Variants in WDPCP observed in about 807,000 individuals in gnomAD.
WDPCP encodes WD repeat containing planar cell polarity effector.
WDPCP carries 71 observed loss-of-function variants against 93.1 expected under a neutral mutation model. The ratio of observed to expected loss-of-function variants is 0.76; its 90% confidence interval spans 0.63 to 0.93. WDPCP has a LOEUF of 0.93. Ranked by LOEUF, WDPCP falls within the 40% of genes least tolerant of loss-of-function variation. WDPCP has a pLI of 0.00. For missense variants in WDPCP, 844 were observed against 887.4 expected (o/e 0.95, Z 0.62); for synonymous variants, 315 against 315.0 (o/e 1.00, Z 0.00).
intron 2 of WDPCP, among the ~76,000 whole-genome samples, chr2:63,747,983 A>G (rs1669823314): frequency 6.6e-6 from 1 of 152,000 alleles, no homozygotes; most frequent in Non-Finnish European, 1.5e-5. Context: ...GGATGGAATG[A>G]ATATATATAC....
chr2:63,484,683 G>A lies in WDPCP; in HGVS notation c.325-20C>T. 1.9e-6 allele frequency: 3 copies of A among 1,612,718 alleles called. No homozygotes were observed. Among genetic ancestry groups the A allele is most frequent in the African/African-American group, 1.3e-5 (1 of 74,970 alleles). On this transcript the variant is annotated intron_variant, in intron 5 of 17. Coordinates refer to ENST00000272321, the MANE Select transcript of WDPCP (RefSeq NM_015910.7). ...CAGCTCCTGAAGCACAACAGAAAAAGAGAGAGCGTAGTTGGCTGTACACAT... is the reference window on the plus strand; with the variant it reads ...CAGCTCCTGAAGCACAACAGAAAAAAAGAGAGCGTAGTTGGCTGTACACAT...
At chr2:63,716,080 A>G (rs1442264041) in intron 2 of WDPCP, among the ~76,000 whole-genome samples, 2 of 152,174 alleles carry the variant, frequency 1.3e-5, no homozygotes, top group African/African-American at 4.8e-5. Context: ...AGGAGAGTAT[A>G]ATGTTTCTTC....
At chr2:63,743,101 G>T (rs1013021807) in intron 2 of WDPCP, among the ~76,000 whole-genome samples, 1 of 152,190 alleles carries the variant, frequency 6.6e-6, no homozygotes, top group South Asian at 2.1e-4. Flanking sequence ...GATTGATGTT[G>T]TAAGTGGTGA....
intron 17 of WDPCP, among the ~76,000 whole-genome samples, chr2:63,129,990 G>A (rs1255546881): frequency 2.0e-5 from 3 of 152,096 alleles, no homozygotes; most frequent in African/African-American, 7.2e-5. Flanking sequence ...TCAATCTCTT[G>A]TTGGTGGAAT....
chr2:63,475,679 TAA>T (rs1699933996), intron 6 of WDPCP, among the ~76,000 whole-genome samples: 2 of 152,144 alleles, frequency 1.3e-5, no homozygotes, highest in Admixed American at 1.3e-4. Context: ...AATCAAAATA[TAA>T]GTTAAGGCTT....
intron 17 of WDPCP, among the ~76,000 whole-genome samples, chr2:63,144,311 C>G (rs915938672): frequency 6.6e-6 from 1 of 150,650 alleles, no homozygotes; most frequent in South Asian, 2.1e-4. Context: ...GACGGAGTCT[C>G]GCCCTGTCAC....
At chr2:63,329,532 C>A (rs1265447989) in intron 12 of WDPCP, among the ~76,000 whole-genome samples, 2 of 152,148 alleles carry the variant, frequency 1.3e-5, no homozygotes, top group African/African-American at 4.8e-5. Flanking sequence ...ATTGACTAAT[C>A]CTCACAGAAC....
chr2:63,267,985 G>C (rs1682288683), intron 13 of WDPCP, among the ~76,000 whole-genome samples: 1 of 152,032 alleles, frequency 6.6e-6, no homozygotes, highest in Admixed American at 6.6e-5. Flanking sequence ...TATCCAAAGG[G>C]ATTGAAATTG....
intron 9 of WDPCP, among the ~76,000 whole-genome samples, chr2:63,409,365 G>A (rs1440147712): frequency 6.6e-6 from 1 of 152,170 alleles, no homozygotes; most frequent in Admixed American, 6.5e-5. Flanking sequence ...ACTACATCAA[G>A]AGAACACGCA....
chr2:63,565,218 C>G (rs145068319), intron 1 of WDPCP, among the ~76,000 whole-genome samples: 1 of 152,162 alleles, frequency 6.6e-6, no homozygotes, highest in Non-Finnish European at 1.5e-5. Flanking sequence ...AAATTTTCAA[C>G]CTTCAAAGCT....
chr2:63,428,751 A>G (rs2105419261), intron 9 of WDPCP, among the ~76,000 whole-genome samples: 1 of 152,296 alleles, frequency 6.6e-6, no homozygotes, highest in Non-Finnish European at 1.5e-5. Flanking sequence ...AGATTTTTCT[A>G]CACCAGTAAT....
chr2:63,350,435 A>AT (rs1450092313), intron 12 of WDPCP, among the ~76,000 whole-genome samples: 1 of 151,304 alleles, frequency 6.6e-6, no homozygotes, highest in Non-Finnish European at 1.5e-5. Context: ...AACTTAGAGT[A>AT]TAAAAAAAGA....
At chr2:63,476,114 TG>T (rs1699957578) in intron 6 of WDPCP, among the ~76,000 whole-genome samples, 1 of 152,170 alleles carries the variant, frequency 6.6e-6, no homozygotes, top group Admixed American at 6.6e-5. Flanking sequence ...TCATTTGAAA[TG>T]ATTTCAGGGC....
In WDPCP at chr2:63,795,197, AAAT is replaced by A. The variant is rs368518268; in HGVS notation, n.308+18422_308+18424del. Among the ~76,000 whole-genome samples the A allele has an allele frequency of 1.2e-4, 19 of 152,348 alleles. 1 individual carries two copies. In the South Asian group the frequency reaches 3.9e-3, roughly 32 times the overall value. ...TTGCTACCAGAATGTGGAATTCTGC[AAAT>A]AACAACCCCAAAATTGTGGAGTTGG... On this transcript the variant is annotated intron_variant and non_coding_transcript_variant, in intron 2 of 4. Coordinates refer to the WDPCP transcript ENST00000467687.
chr2:63,780,903 C>G (rs1670382484), intron 2 of WDPCP, among the ~76,000 whole-genome samples: 1 of 152,026 alleles, frequency 6.6e-6, no homozygotes, highest in Non-Finnish European at 1.5e-5. Flanking sequence ...TAAAACAAAA[C>G]AAAAACCAAA....
At chr2:63,589,337 T>C (rs1465540558), upstream of WDPCP, 4 of 1,550,644 alleles carry the variant, frequency 2.6e-6, no homozygotes, top group Non-Finnish European at 3.5e-6. Context: ...AATGCGACGC[T>C]GCAGCTATTT....
intron 2 of WDPCP, among the ~76,000 whole-genome samples, chr2:63,708,181 G>T (rs1392498967): frequency 6.6e-6 from 1 of 152,250 alleles, no homozygotes; most frequent in Non-Finnish European, 1.5e-5. Context: ...TAAGTCTGCA[G>T]AGGTTATTGC....
chr2:63,746,738 G>A (rs913568710), intron 2 of WDPCP, among the ~76,000 whole-genome samples: 21 of 152,138 alleles, frequency 1.4e-4, no homozygotes, highest in African/African-American at 4.8e-4. Context: ...TAGTCAGACC[G>A]TTTCTCTGCT....
At chr2:63,324,470 C>G (rs1390211287) in intron 12 of WDPCP, among the ~76,000 whole-genome samples, 1 of 152,146 alleles carries the variant, frequency 6.6e-6, no homozygotes, top group East Asian at 1.9e-4. Context: ...GTACATGTCC[C>G]CTTCTCCCTC....
Sources: allele counts gnomAD v4.1 joint callset (sites outside exome capture counted in the v4.1 genomes callset), GRCh38; gene constraint gnomAD v4.1.1; transcripts MANE v1.5; gene names NCBI Gene and HGNC (gene_info 2026-07-23, HGNC 2026-07-21).